RYR2: variants seen among roughly 807,000 people sequenced by gnomAD.
RYR2 encodes ryanodine receptor 2, also known as cardiac muscle ryanodine receptor-calcium release channel.
RYR2 carries 227 observed loss-of-function variants against 601.1 expected under a neutral mutation model. The observed-to-expected ratio is 0.38, with a 90% CI of 0.34 to 0.42. The LOEUF (loss-of-function observed/expected upper bound fraction) is 0.42. RYR2 is among the 10% of genes least tolerant of loss of function. The pLI is 1.00. For missense variants in RYR2, 4,646 were observed against 6,156.5 expected, an observed-to-expected ratio of 0.75 and a Z score of 8.21; for synonymous variants, 2,223 against 2,175.1, an observed-to-expected ratio of 1.02 and a Z score of -0.61.
chr1:237,492,822 T>TGAAA, intron 18 of RYR2, 132 bp from the exon 19 acceptor site: 2 of 820,250 alleles, frequency 2.4e-6, no homozygotes, highest in Admixed American at 2.8e-5. Context: ...AGATGCTGTC[T>TGAAA]GAAAGGAAGG....
At chr1:237,340,087 A>G (rs936682537) in intron 3 of RYR2, among the ~76,000 whole-genome samples, 1 of 152,212 alleles carries the variant, frequency 6.6e-6, no homozygotes, top group Non-Finnish European at 1.5e-5. Flanking sequence ...TACATCATAT[A>G]GCAGATACAT....
At chr1:237,176,264 TAAAA>T (rs374625021) in intron 1 of RYR2, among the ~76,000 whole-genome samples, 1 of 143,984 alleles carries the variant, frequency 6.9e-6, no homozygotes, top group African/African-American at 2.5e-5. Context: ...TATATATATA[TAAAA>T]AATGAAATAT....
At chr1:237,323,568 A>G (rs190574327) in intron 2 of RYR2, among the ~76,000 whole-genome samples, 6 of 152,320 alleles carry the variant, frequency 3.9e-5, no homozygotes, top group East Asian at 1.9e-4. Flanking sequence ...TGGCCTATCT[A>G]CTTAATATTA....
At position 237,369,604 on chromosome 1, in the gene RYR2, G is replaced by C. The variant is rs1401346784; in HGVS notation, c.380G>C (p.Gly127Ala). 1.3e-6 allele frequency: 2 copies of C among 1,558,594 alleles called. No homozygotes were observed. Among genetic ancestry groups the C allele is most frequent in the Admixed American group, 1.9e-5 (1 of 51,894 alleles). ...HAILLRHSYS[G>A]MYLCCLSTSR... ...ATATTGCTGCGCCATTCCTATAGTG[G>C]CATGGTGAGTAGGCATTTGATTTCA... Residue 127 changes from glycine to alanine, a missense_variant, in exon 6 of 105, where the codon GGC (glycine) becomes GCC (alanine). Gly to Ala is a moderately conservative substitution (Grantham distance 60). Coordinates refer to ENST00000366574, the MANE Select transcript of RYR2 (RefSeq NM_001035.3).
chr1:237,625,293 G>A (rs547301438), intron 39 of RYR2, among the ~76,000 whole-genome samples: 1 of 152,130 alleles, frequency 6.6e-6, no homozygotes. Context: ...GTGGGGCATG[G>A]TGTAGGCAGG....
chr1:237,587,204 A>G (rs13375271), intron 29 of RYR2, among the ~76,000 whole-genome samples: 77,681 of 151,964 alleles, frequency 0.51, 20,360 homozygotes, highest in South Asian at 0.68. Flanking sequence ...CATAAATCTT[A>G]TACTAGTTTA....
intron 80 of RYR2, among the ~76,000 whole-genome samples, chr1:237,753,675 C>T (rs1692714474): frequency 6.6e-6 from 1 of 152,058 alleles, no homozygotes; most frequent in African/African-American, 2.4e-5. Context: ...TTGAAATAAC[C>T]TTGAAATAAC....
intron 12 of RYR2, among the ~76,000 whole-genome samples, chr1:237,432,157 A>G (rs1474131755): frequency 6.6e-6 from 1 of 151,068 alleles, no homozygotes; most frequent in Non-Finnish European, 1.5e-5. Flanking sequence ...ATGAATTTGA[A>G]TTTTCCTTCC....
intron 1 of RYR2, among the ~76,000 whole-genome samples, chr1:237,266,033 A>C (rs571403802): frequency 6.6e-6 from 1 of 152,324 alleles, no homozygotes; most frequent in African/African-American, 2.4e-5. Flanking sequence ...GTAAAGGGTG[A>C]GTATTTAAGG....
At position 237,745,552 on chromosome 1, in the gene RYR2, G is replaced by A. The variant is rs117685857; in HGVS notation, c.11145+3203G>A. Among the ~76,000 whole-genome samples the A allele has an allele frequency of 2.8e-4, 42 of 152,274 alleles. 1 individual carries two copies. In the East Asian group the frequency reaches 6.9e-3, roughly 25 times the overall value. On this transcript the variant is annotated intron_variant, in intron 80 of 104. Coordinates refer to ENST00000366574, the MANE Select transcript of RYR2 (RefSeq NM_001035.3). The stretch of plus-strand genomic sequence containing the variant: ...AGAGGAATGCAGTTTCAGGGAGATC[G>A]GTTTGATAAATAGGGTCAAATTTAG...
chr1:237,791,110 A>G (rs915132157), intron 92 of RYR2, among the ~76,000 whole-genome samples: 1 of 152,216 alleles, frequency 6.6e-6, no homozygotes, highest in African/African-American at 2.4e-5. Context: ...CTCCTGAGAT[A>G]AACCTTCCCA....
intron 73 of RYR2, among the ~76,000 whole-genome samples, chr1:237,722,196 T>C (rs1353828021): frequency 6.6e-6 from 1 of 152,172 alleles, no homozygotes; most frequent in East Asian, 1.9e-4. Flanking sequence ...GAGAAGAGCA[T>C]GGGTAGCCTT....
At chr1:237,619,788 A>G (rs935910405) in intron 38 of RYR2, among the ~76,000 whole-genome samples, 1 of 152,166 alleles carries the variant, frequency 6.6e-6, no homozygotes, top group Non-Finnish European at 1.5e-5. Context: ...GGAGGGCAGA[A>G]GGAAGTGGCA....
At chr1:237,289,540 C>T (rs1235197865) in intron 2 of RYR2, among the ~76,000 whole-genome samples, 1 of 152,082 alleles carries the variant, frequency 6.6e-6, no homozygotes, top group African/African-American at 2.4e-5. Flanking sequence ...GGAAAAGGAC[C>T]TTAACAAATC....
rs576683987 is a variant in RYR2 at position 237,067,903 on chromosome 1, A to C, written c.48+25334A>C. On this transcript the variant is annotated intron_variant, in intron 1 of 104. Coordinates refer to ENST00000366574, the MANE Select transcript of RYR2 (RefSeq NM_001035.3). Reference sequence around the variant, plus strand: ...CCTGCAGACATGTCAATTTCACATCATTTCTCTTTGATGGTAGTGAACCTC... The same window carrying C: ...CCTGCAGACATGTCAATTTCACATCCTTTCTCTTTGATGGTAGTGAACCTC... Among the ~76,000 whole-genome samples, 4 of 152,010 alleles carry C rather than the reference A, an allele frequency of 2.6e-5. No homozygotes were observed. In the East Asian group the frequency reaches 7.7e-4, roughly 29 times the overall value.
chr1:237,491,450 A>T (rs893570641), intron 17 of RYR2, among the ~76,000 whole-genome samples: 4 of 152,158 alleles, frequency 2.6e-5, no homozygotes, highest in African/African-American at 7.2e-5. Flanking sequence ...TCATGCACAT[A>T]CTGCCCTTCC....
At chr1:237,720,289 T>C (rs1347515452) in intron 73 of RYR2, among the ~76,000 whole-genome samples, 1 of 152,196 alleles carries the variant, frequency 6.6e-6, no homozygotes, top group Non-Finnish European at 1.5e-5. Flanking sequence ...TATATGCCTT[T>C]CTGGGTATTA....
At chr1:237,118,081 TG>T (rs1670339305) in intron 1 of RYR2, among the ~76,000 whole-genome samples, 1 of 152,214 alleles carries the variant, frequency 6.6e-6, no homozygotes, top group South Asian at 2.1e-4. Context: ...TCAAACTTTG[TG>T]GTTTTGCAAC....
chr1:237,795,711 A>C, intron 96 of RYR2, among the ~76,000 whole-genome samples: 1 of 151,718 alleles, frequency 6.6e-6, no homozygotes, highest in Non-Finnish European at 1.5e-5. Context: ...TTGACCTACC[A>C]AAGTGCTGGG....
Sources: gnomAD v4.1 joint callset for allele counts (sites outside exome capture counted in the v4.1 genomes callset) on GRCh38, gnomAD v4.1.1 for gene constraint, MANE v1.5 for transcripts, NCBI Gene and HGNC (gene_info 2026-07-23, HGNC 2026-07-21) for gene names.